SYNPO2: variants seen among roughly 807,000 people sequenced by gnomAD.
SYNPO2 encodes the protein synaptopodin-2.
In SYNPO2, 56 loss-of-function variants were observed where a neutral mutation model predicts 85.0. The observed-to-expected ratio is 0.66, with a 90% CI of 0.53 to 0.82. The LOEUF is 0.82. Among genes scored for constraint, SYNPO2 ranks in the 40% least tolerant of loss-of-function variants. SYNPO2 has a pLI of 0.00. For synonymous variants in SYNPO2, 602 were observed against 591.1 expected (o/e 1.02, Z -0.27); for missense variants, 1,575 against 1,534.2 (o/e 1.03, Z -0.44).
At chr4:118,997,239 C>CAAAAAAAAAAAAAAAAAAA (rs1434428754) in intron 1 of SYNPO2, among the ~76,000 whole-genome samples, 2 of 65,214 alleles carry the variant, frequency 3.1e-5, no homozygotes, top group Non-Finnish European at 5.9e-5. Context: ...GACTCCGTCT[C>CAAAAAAAAAAAAAAAAAAA]AAAAAAAAAA....
intron 1 of SYNPO2, among the ~76,000 whole-genome samples, chr4:118,878,456 T>C (rs1731967905): frequency 6.6e-6 from 1 of 152,070 alleles, no homozygotes; most frequent in South Asian, 2.1e-4. Context: ...ACTGAGTTGG[T>C]GGAAGGGAGA....
intron 1 of SYNPO2, among the ~76,000 whole-genome samples, chr4:118,927,752 T>C (rs1459968344): frequency 0.048 from 6,829 of 142,350 alleles, 243 homozygotes; most frequent in African/African-American, 0.055. Flanking sequence ...AGATAGATGA[T>C]AGATAGATAT....
intron 1 of SYNPO2, among the ~76,000 whole-genome samples, chr4:118,973,966 G>A (rs561631373): frequency 3.9e-5 from 6 of 152,258 alleles, no homozygotes; most frequent in African/African-American, 1.4e-4. Flanking sequence ...CTTCACAAAA[G>A]CAGGAGTCAG....
intron 1 of SYNPO2, among the ~76,000 whole-genome samples, chr4:118,894,979 A>G (rs768373216): frequency 4.6e-5 from 7 of 152,240 alleles, no homozygotes; most frequent in Non-Finnish European, 1.0e-4. Context: ...ATAAGTTTTC[A>G]TGACTAACAT....
intron 4 of SYNPO2, among the ~76,000 whole-genome samples, chr4:119,040,577 A>G (rs1738677059): frequency 6.6e-6 from 1 of 152,228 alleles, no homozygotes. Context: ...TACTATAAAG[A>G]CACTGTTTTC....
intron 1 of SYNPO2, among the ~76,000 whole-genome samples, chr4:118,950,063 G>T (rs560284794): frequency 6.7e-6 from 1 of 148,996 alleles, no homozygotes; most frequent in South Asian, 2.1e-4. Context: ...GTTTGAAAAA[G>T]ATGACATTCT....
At chr4:118,883,515 G>T (rs1400076801) in intron 1 of SYNPO2, among the ~76,000 whole-genome samples, 1 of 152,148 alleles carries the variant, frequency 6.6e-6, no homozygotes, top group Non-Finnish European at 1.5e-5. Flanking sequence ...CTATCAAAAT[G>T]GGGAAAGATA....
At chr4:118,925,027 A>C (rs963396204) in intron 1 of SYNPO2, among the ~76,000 whole-genome samples, 6 of 152,204 alleles carry the variant, frequency 3.9e-5, no homozygotes, top group African/African-American at 1.4e-4. Context: ...AGTGAAGGAT[A>C]GGCTTGTTTT....
At position 119,031,637 on chromosome 4, in the gene SYNPO2, G is replaced by C. The variant is rs745465968; in HGVS notation, c.2862G>C (p.Lys954Asn). Residue 954 changes from lysine (K) to asparagine (N), a missense_variant, in exon 4 of 5, where the codon AAG (lysine) becomes AAC (asparagine). Lys to Asn is a moderately conservative substitution (Grantham distance 94). Transcript: ENST00000307142. ...AGCCCTCCAAAATGGGCAAGAAAAA[G>C]GGAAAGAAACCCCTCAATGCATTAG... ...AAQPSKMGKK[K>N]GKKPLNALDV... 6.2e-7 allele frequency: 1 copy of C among 1,614,102 alleles called. No individual in the cohort carries two copies. The highest frequency in any genetic ancestry group is 1.1e-5 in the South Asian group (1 of 91,076).
chr4:118,923,205 G>A (rs573620422), intron 1 of SYNPO2, among the ~76,000 whole-genome samples: 7 of 152,136 alleles, frequency 4.6e-5, no homozygotes, highest in Non-Finnish European at 5.9e-5. Context: ...ATGGAATACC[G>A]TGTAGCCATA....
intron 3 of SYNPO2, among the ~76,000 whole-genome samples, chr4:119,028,490 G>T (rs1452650951): frequency 6.6e-6 from 1 of 152,068 alleles, no homozygotes; most frequent in Non-Finnish European, 1.5e-5. Flanking sequence ...TTAAACAAGA[G>T]TATTGAGACA....
At chr4:119,024,789 A>T (rs1378146194) in intron 2 of SYNPO2, among the ~76,000 whole-genome samples, 1 of 152,200 alleles carries the variant, frequency 6.6e-6, no homozygotes, top group Non-Finnish European at 1.5e-5. Flanking sequence ...CACTACCACT[A>T]TTTTAAATAT....
intron 1 of SYNPO2, among the ~76,000 whole-genome samples, chr4:118,869,233 A>T (rs2017575): frequency 0.88 from 132,981 of 151,906 alleles, 58,298 homozygotes; most frequent in Middle Eastern, 0.94. Flanking sequence ...ATTTTTTGTA[A>T]TTTTAGTAGA....
At chr4:119,000,505 G>A (rs1475982121) in intron 1 of SYNPO2, among the ~76,000 whole-genome samples, 3 of 152,126 alleles carry the variant, frequency 2.0e-5, no homozygotes, top group Admixed American at 6.5e-5. Context: ...AGACACACAC[G>A]AGTAATACAA....
intron 1 of SYNPO2, among the ~76,000 whole-genome samples, chr4:118,881,256 C>T (rs1408096028): frequency 1.3e-5 from 2 of 149,954 alleles, no homozygotes; most frequent in East Asian, 2.0e-4. Flanking sequence ...GAGCCGAGAT[C>T]GCACCACTGG....
chr4:118,964,108 G>T (rs1735210768), intron 1 of SYNPO2, among the ~76,000 whole-genome samples: 1 of 152,162 alleles, frequency 6.6e-6, no homozygotes, highest in African/African-American at 2.4e-5. Flanking sequence ...ATATGGAGCA[G>T]GTGCCAAGGA....
At chr4:118,947,770 G>C (rs1442634951) in intron 1 of SYNPO2, among the ~76,000 whole-genome samples, 2 of 152,016 alleles carry the variant, frequency 1.3e-5, no homozygotes, top group Admixed American at 6.6e-5. Context: ...TCATAGCACT[G>C]TGTGTGTGTG....
At chr4:118,885,716 A>T (rs1732187727), upstream of SYNPO2, among the ~76,000 whole-genome samples, 1 of 151,992 alleles carries the variant, frequency 6.6e-6, no homozygotes, top group Non-Finnish European at 1.5e-5. Context: ...CAAGTGATCC[A>T]CCCACCTTGC....
intron 1 of SYNPO2, among the ~76,000 whole-genome samples, chr4:118,995,839 A>C (rs547639443): frequency 4.0e-5 from 6 of 151,624 alleles, no homozygotes; most frequent in African/African-American, 1.5e-4. Context: ...TTCATTCTTT[A>C]TCTGTCCATG....
Sources: gnomAD v4.1 joint callset for allele counts (sites outside exome capture counted in the v4.1 genomes callset) on GRCh38, gnomAD v4.1.1 for gene constraint, MANE v1.5 for transcripts, NCBI Gene and HGNC (gene_info 2026-07-23, HGNC 2026-07-21) for gene names.